Variants in PTPRG observed in about 807,000 individuals in gnomAD.
The protein encoded by PTPRG is protein tyrosine phosphatase receptor type G.
A neutral mutation model predicts 165.3 loss-of-function variants in PTPRG; 102 were observed. That is an observed-to-expected ratio of 0.62 (90% CI 0.53 to 0.73). The LOEUF (loss-of-function observed/expected upper bound fraction) is 0.73, where lower values mean the gene tolerates loss of function less well. Ranked by LOEUF, PTPRG falls within the 30% of genes least tolerant of loss-of-function variation. The pLI is 0.00. For synonymous variants in PTPRG, 675 were observed against 669.5 expected, an observed-to-expected ratio of 1.01 and a Z score of -0.13; for missense variants, 1,866 against 1,861.4, an observed-to-expected ratio of 1.00 and a Z score of -0.05.
chr3:61,722,021 C>T (rs935200883), intron 1 of PTPRG, among the ~76,000 whole-genome samples: 9 of 152,048 alleles, frequency 5.9e-5, no homozygotes, highest in Non-Finnish European at 1.0e-4. Flanking sequence ...CAATTCGGGC[C>T]CTTGAGCTTG....
intron 8 of PTPRG, among the ~76,000 whole-genome samples, chr3:62,178,448 C>T (rs1443421433): frequency 5.3e-5 from 8 of 152,166 alleles, no homozygotes; most frequent in Non-Finnish European, 1.2e-4. Context: ...GATGTCATGC[C>T]AGTACTACTT....
intron 1 of PTPRG, among the ~76,000 whole-genome samples, chr3:61,585,996 A>G (rs7633324): frequency 0.044 from 6,670 of 152,298 alleles, 157 homozygotes; most frequent in Middle Eastern, 0.068. Context: ...AAAGACACTG[A>G]TTGGGCTATT....
intron 4 of PTPRG, among the ~76,000 whole-genome samples, chr3:62,027,927 G>A (rs1391960232): frequency 3.3e-5 from 5 of 152,134 alleles, no homozygotes; most frequent in Non-Finnish European, 7.3e-5. Flanking sequence ...TGGAAATCTG[G>A]TTGGTGCCCA....
intron 2 of PTPRG, among the ~76,000 whole-genome samples, chr3:61,960,827 T>C (rs2040135510): frequency 6.6e-6 from 1 of 152,154 alleles, no homozygotes; most frequent in Non-Finnish European, 1.5e-5. Context: ...TGTACTCCCC[T>C]GTAGCTCAGC....
At chr3:61,998,063 T>C (rs1043896489) in intron 3 of PTPRG, among the ~76,000 whole-genome samples, 5 of 152,368 alleles carry the variant, frequency 3.3e-5, no homozygotes, top group African/African-American at 1.2e-4. Context: ...CACATGCTGC[T>C]GTTTACTCAG....
At position 62,099,241 on chromosome 3, in the gene PTPRG, C is replaced by A. The variant is rs539455274; in HGVS notation, c.615+20983C>A. ...GTCCAGTAGTTGAAGATTCTCATAA[C>A]CATCTATTTCTGCCTCACCATTAAT... On this transcript the variant is annotated intron_variant, in intron 5 of 29. Transcript: ENST00000474889. Among the ~76,000 whole-genome samples, 3 of 152,290 alleles carry A rather than the reference C, an allele frequency of 2.0e-5. No individual in the cohort carries two copies. In the South Asian group the frequency reaches 6.2e-4, roughly 32 times the overall value.
intron 1 of PTPRG, among the ~76,000 whole-genome samples, chr3:61,608,100 G>A (rs543567081): frequency 6.6e-6 from 1 of 152,158 alleles, no homozygotes; most frequent in Non-Finnish European, 1.5e-5. Flanking sequence ...GGCCAGTTTT[G>A]ATCTCTGGTC....
chr3:61,827,744 A>G (rs1349583223), intron 2 of PTPRG, among the ~76,000 whole-genome samples: 1 of 152,210 alleles, frequency 6.6e-6, no homozygotes, highest in African/African-American at 2.4e-5. Flanking sequence ...ATACATTTTA[A>G]TATCAAGTAG....
intron 16 of PTPRG, 160 bp from the exon 17 acceptor site, chr3:62,262,638 A>C (rs1207420712): frequency 1.1e-4 from 55 of 480,466 alleles, no homozygotes; most frequent in Non-Finnish European, 1.5e-5. Flanking sequence ...CATTCTTCAT[A>C]AACTCGTTAT....
At chr3:62,056,345 GA>G (rs1218768805) in intron 4 of PTPRG, among the ~76,000 whole-genome samples, 1 of 152,104 alleles carries the variant, frequency 6.6e-6, no homozygotes, top group Non-Finnish European at 1.5e-5. Context: ...GTGACCCACG[GA>G]CCACATGTAG....
At chr3:62,080,058 GT>G (rs1275179127) in intron 5 of PTPRG, among the ~76,000 whole-genome samples, 1 of 129,414 alleles carries the variant, frequency 7.7e-6, no homozygotes, top group African/African-American at 3.6e-5. Context: ...GACCCCTTCG[GT>G]TCATTTTTTT....
intron 2 of PTPRG, among the ~76,000 whole-genome samples, chr3:61,891,731 G>A (rs1047928869): frequency 2.0e-5 from 3 of 152,216 alleles, no homozygotes; most frequent in South Asian, 2.1e-4. Flanking sequence ...TGTTTTGTAA[G>A]CCATTATACA....
At chr3:61,926,194 T>G (rs970080555) in intron 2 of PTPRG, among the ~76,000 whole-genome samples, 11 of 152,138 alleles carry the variant, frequency 7.2e-5, no homozygotes, top group African/African-American at 2.2e-4. Context: ...TGGTAGCTGA[T>G]ATGGTTCGGA....
At chr3:61,901,768 C>T (rs183477460) in intron 2 of PTPRG, among the ~76,000 whole-genome samples, 48 of 152,296 alleles carry the variant, frequency 3.2e-4, no homozygotes, top group Admixed American at 2.5e-3. Context: ...GGGTCTGAAC[C>T]ATCTGATTTT....
chr3:62,190,866 G>A lies in PTPRG; in HGVS notation c.1034-603G>A, dbSNP rs1285495920. Among the ~76,000 whole-genome samples the A allele has an allele frequency of 6.6e-6, 1 of 152,158 alleles. No homozygotes were observed. Among genetic ancestry groups the A allele is most frequent in the Non-Finnish European group, 1.5e-5 (1 of 68,022 alleles). On this transcript the variant is annotated intron_variant, in intron 8 of 29. Coordinates refer to ENST00000474889, the MANE Select transcript of PTPRG (RefSeq NM_002841.4). The surrounding 1 kb of genome is among the most constrained non-coding windows in gnomAD (Gnocchi z 5.2). Reference sequence around the variant, plus strand: ...TGATTAAGGATCTTTTGGAGACAGCGGGGAAAATTTGAATATGGACTATAT... The same window carrying A: ...TGATTAAGGATCTTTTGGAGACAGCAGGGAAAATTTGAATATGGACTATAT...
chr3:62,218,148 A>G (rs891602428), intron 12 of PTPRG, among the ~76,000 whole-genome samples: 1 of 152,114 alleles, frequency 6.6e-6, no homozygotes, highest in Admixed American at 6.5e-5. Flanking sequence ...TCCTGCTGGG[A>G]TGTGCTGTTG....
intron 14 of PTPRG, among the ~76,000 whole-genome samples, chr3:62,241,628 G>C (rs983034525): frequency 4.6e-5 from 7 of 151,706 alleles, no homozygotes; most frequent in Non-Finnish European, 7.4e-5. Context: ...CTGTCTGCCT[G>C]TCTTGTAGGG....
At chr3:62,187,953 G>T (rs1300495787) in intron 8 of PTPRG, among the ~76,000 whole-genome samples, 2 of 152,166 alleles carry the variant, frequency 1.3e-5, no homozygotes, top group East Asian at 3.9e-4. Flanking sequence ...TCCTTTGAGA[G>T]CTTAACTCAG....
intron 2 of PTPRG, among the ~76,000 whole-genome samples, chr3:61,973,898 C>T (rs976658648): frequency 1.8e-4 from 27 of 152,136 alleles, no homozygotes; most frequent in African/African-American, 6.0e-4. Flanking sequence ...AACTCTCAGA[C>T]ATGTAGGAGT....
Sources: allele counts gnomAD v4.1 joint callset (sites outside exome capture counted in the v4.1 genomes callset), GRCh38; gene constraint gnomAD v4.1.1; non-coding constraint Gnocchi (gnomAD v3.1); transcripts MANE v1.5; gene names NCBI Gene and HGNC (gene_info 2026-07-23, HGNC 2026-07-21).